CFAP299: variants seen among roughly 807,000 people sequenced by gnomAD.
CFAP299 encodes the protein cilia and flagella associated protein 299.
CFAP299 carries 21 observed loss-of-function variants against 27.0 expected under a neutral mutation model. The ratio of observed to expected loss-of-function variants is 0.78; its 90% CI spans 0.55 to 1.12. CFAP299 has a LOEUF of 1.12. Among genes scored for constraint, CFAP299 ranks in the 50% most tolerant of loss-of-function variants. CFAP299 has a pLI of 0.00. For missense variants in CFAP299, 310 were observed against 276.6 expected (o/e 1.12, Z -0.86); for synonymous variants, 104 against 98.1 (o/e 1.06, Z -0.36).
intron 3 of CFAP299, among the ~76,000 whole-genome samples, chr4:80,851,029 A>G (rs1731492064): frequency 6.6e-6 from 1 of 152,148 alleles, no homozygotes; most frequent in Admixed American, 6.6e-5. Context: ...ATGGAATGAC[A>G]TGGTTTTAAA....
intron 2 of CFAP299, among the ~76,000 whole-genome samples, chr4:80,516,657 C>T (rs1241444937): frequency 6.6e-6 from 1 of 152,094 alleles, no homozygotes; most frequent in Non-Finnish European, 1.5e-5. Context: ...CACCTTCCAC[C>T]AGGCCCCACT....
intron 3 of CFAP299, among the ~76,000 whole-genome samples, chr4:80,705,946 G>A (rs944062553): frequency 1.3e-5 from 2 of 151,748 alleles, no homozygotes; most frequent in African/African-American, 2.4e-5. Context: ...GGGAGCATAC[G>A]AATATTTAAT....
chr4:80,781,824 C>T (rs991304347), intron 3 of CFAP299, among the ~76,000 whole-genome samples: 3 of 146,870 alleles, frequency 2.0e-5, no homozygotes, highest in African/African-American at 7.5e-5. Context: ...TGCTAAGCCA[C>T]AATAGAATAA....
rs373915526 is a variant in CFAP299, at chr4:80,624,149, T to C, written c.333+40966T>C. On this transcript the variant is annotated intron_variant, in intron 3 of 5. Coordinates refer to ENST00000358105, the MANE Select transcript of CFAP299 (RefSeq NM_152770.3). ...TCAAAAGGACAAAATAAGGGTGCCA[T>C]TGACTGTTCCTAAAAATAGAGATAT... is the stretch of plus-strand genomic sequence containing the variant. 8.5e-5 allele frequency among the ~76,000 whole-genome samples: 13 copies of C among 152,062 alleles called. No individual in the cohort carries two copies. The East Asian group carries it at 9.6e-4, about 11-fold the overall frequency.
chr4:80,954,220 T>C (rs1490570713), intron 5 of CFAP299, among the ~76,000 whole-genome samples: 4 of 152,272 alleles, frequency 2.6e-5, no homozygotes, highest in African/African-American at 7.2e-5. Context: ...TCATTGCAGG[T>C]GCAAGACCAC....
chr4:80,503,498 G>A (rs891751277), intron 2 of CFAP299, among the ~76,000 whole-genome samples: 1 of 152,124 alleles, frequency 6.6e-6, no homozygotes, highest in African/African-American at 2.4e-5. Context: ...GAGAGGCAGT[G>A]TTGTATTGAT....
At chr4:80,480,498 T>G (rs1730510198) in intron 2 of CFAP299, among the ~76,000 whole-genome samples, 1 of 152,044 alleles carries the variant, frequency 6.6e-6, no homozygotes. Context: ...GTTGACTACT[T>G]CTGATTGGTT....
At chr4:80,483,807 T>A (rs1730682262) in intron 2 of CFAP299, among the ~76,000 whole-genome samples, 1 of 152,168 alleles carries the variant, frequency 6.6e-6, no homozygotes, top group African/African-American at 2.4e-5. Context: ...TTAAGGAAAC[T>A]TTGAATCTCT....
chr4:80,553,009 T>A (rs867981975), intron 2 of CFAP299, among the ~76,000 whole-genome samples: 11 of 151,856 alleles, frequency 7.2e-5, no homozygotes, highest in South Asian at 4.2e-4. Flanking sequence ...TTTTTTTTTT[T>A]AAAGTTTTAT....
intron 2 of CFAP299, among the ~76,000 whole-genome samples, chr4:80,393,068 ACCC>A (rs1725577350): frequency 6.6e-6 from 1 of 152,100 alleles, no homozygotes; most frequent in African/African-American, 2.4e-5. Context: ...GATGATCCTG[ACCC>A]TGTGTAGGCT....
intron 2 of CFAP299, among the ~76,000 whole-genome samples, chr4:80,383,400 A>C (rs556008609): frequency 1.3e-5 from 2 of 152,206 alleles, no homozygotes; most frequent in African/African-American, 4.8e-5. Flanking sequence ...GTGTCCACCC[A>C]GAACAACAAA....
chr4:80,586,576 C>T (rs1736453690), intron 3 of CFAP299, among the ~76,000 whole-genome samples: 1 of 152,122 alleles, frequency 6.6e-6, no homozygotes, highest in Non-Finnish European at 1.5e-5. Context: ...AACCGCTTTA[C>T]TATTTGCCAA....
At chr4:80,687,223 CTTCT>C (rs1720258613) in intron 3 of CFAP299, among the ~76,000 whole-genome samples, 1 of 152,162 alleles carries the variant, frequency 6.6e-6, no homozygotes, top group Non-Finnish European at 1.5e-5. Flanking sequence ...GTGCTTCTCT[CTTCT>C]TTCTGTTTAT....
At chr4:80,586,336 C>A (rs1042405268) in intron 3 of CFAP299, among the ~76,000 whole-genome samples, 4 of 151,954 alleles carry the variant, frequency 2.6e-5, no homozygotes, top group African/African-American at 9.7e-5. Flanking sequence ...ATATGCAATA[C>A]TTTTGCTGCT....
intron 3 of CFAP299, among the ~76,000 whole-genome samples, chr4:80,656,987 C>CT (rs1315917504): frequency 6.6e-6 from 1 of 152,036 alleles, no homozygotes; most frequent in African/African-American, 2.4e-5. Flanking sequence ...TGATGATGAG[C>CT]TTTTTTTCAT....
chr4:80,737,895 C>G (rs1397462334), intron 3 of CFAP299, among the ~76,000 whole-genome samples: 1 of 152,136 alleles, frequency 6.6e-6, no homozygotes, highest in East Asian at 1.9e-4. Context: ...GTACTGCTTT[C>G]ACTGTATCCC....
At chr4:80,540,351 T>C (rs1342802478) in intron 2 of CFAP299, among the ~76,000 whole-genome samples, 1 of 152,220 alleles carries the variant, frequency 6.6e-6, no homozygotes, top group African/African-American at 2.4e-5. Context: ...CGTTCCTAGT[T>C]TGAGAAATCA....
intron 2 of CFAP299, among the ~76,000 whole-genome samples, chr4:80,547,867 T>C (rs1734317881): frequency 6.6e-6 from 1 of 152,078 alleles, no homozygotes; most frequent in Non-Finnish European, 1.5e-5. Context: ...TGTTAAAAAG[T>C]CAAAAAACAA....
chr4:80,800,746 A>AGTGT (rs57119258), intron 3 of CFAP299, among the ~76,000 whole-genome samples: 2 of 116,198 alleles, frequency 1.7e-5, no homozygotes, highest in African/African-American at 7.1e-5. Flanking sequence ...ATATATAATC[A>AGTGT]GTGTGTGTGT....
Sources: allele counts gnomAD v4.1 joint callset (sites outside exome capture counted in the v4.1 genomes callset), GRCh38; gene constraint gnomAD v4.1.1; transcripts MANE v1.5; gene names NCBI Gene and HGNC (gene_info 2026-07-23, HGNC 2026-07-21).